DCC: variants seen among roughly 807,000 people sequenced by gnomAD.
DCC encodes the protein netrin receptor DCC.
A neutral mutation model predicts 172.5 loss-of-function variants in DCC; 58 were observed. That is an observed-to-expected ratio of 0.34 (90% CI 0.27 to 0.42). The LOEUF is 0.42. DCC is among the 10% of genes least tolerant of loss of function. DCC has a pLI of 1.00. For synonymous variants in DCC, 709 were observed against 644.5 expected, an observed-to-expected ratio of 1.10 and a Z score of -1.52; for missense variants, 1,740 against 1,791.0, an observed-to-expected ratio of 0.97 and a Z score of 0.51.
chr18:53,063,352 A>G lies in DCC; in HGVS notation c.1033A>G (p.Ser345Gly), dbSNP rs755111672. 1 of 1,613,548 alleles carries G rather than the reference A, an allele frequency of 6.2e-7. No homozygotes were observed. Among genetic ancestry groups the G allele is most frequent in the Non-Finnish European group, 8.5e-7 (1 of 1,179,636 alleles). The stretch of plus-strand genomic sequence containing the variant: ...TCCTTCCAACCTGTATGCCTATGAA[A>G]GCATGGATATTGAGTTTGAATGTAC... ...NHPSNLYAYE[S>G]MDIEFECTVS... The change falls in exon 6 of 29, where the codon AGC (serine) becomes GGC (glycine). Residue 345 changes from serine to glycine, a missense_variant. Ser to Gly is a moderately conservative substitution (Grantham distance 56, BLOSUM62 0). This residue lies in a region of DCC where 1,732 missense variants were observed against 1,767.4 expected (regional missense o/e 0.98). Coordinates refer to ENST00000442544, the MANE Select transcript of DCC (RefSeq NM_005215.4).
At chr18:53,006,964 A>G (rs1599021905) in intron 5 of DCC, among the ~76,000 whole-genome samples, 1 of 152,196 alleles carries the variant, frequency 6.6e-6, no homozygotes, top group African/African-American at 2.4e-5. Flanking sequence ...ACCATCAGAA[A>G]TGGTATATTC....
At chr18:52,827,222 T>C (rs2038526044) in intron 2 of DCC, among the ~76,000 whole-genome samples, 1 of 152,200 alleles carries the variant, frequency 6.6e-6, no homozygotes, top group African/African-American at 2.4e-5. Flanking sequence ...TGAACTCAAA[T>C]AGTCTTTTAG....
intron 15 of DCC, among the ~76,000 whole-genome samples, chr18:53,340,820 G>C (rs576326449): frequency 6.6e-6 from 1 of 152,126 alleles, no homozygotes; most frequent in Non-Finnish European, 1.5e-5. Context: ...CAGCTTGATT[G>C]GGCAGGCAGG....
At chr18:52,545,971 A>T (rs2032601977) in intron 1 of DCC, among the ~76,000 whole-genome samples, 1 of 152,194 alleles carries the variant, frequency 6.6e-6, no homozygotes, top group East Asian at 1.9e-4. Context: ...AATATGTACC[A>T]CCAATGCCCG....
chr18:53,455,241 A>G (rs915113264), intron 23 of DCC, among the ~76,000 whole-genome samples: 1 of 152,090 alleles, frequency 6.6e-6, no homozygotes. Context: ...TTAGTACAGC[A>G]CTCTTTATTT....
chr18:52,676,618 A>G (rs2035650899), intron 1 of DCC, among the ~76,000 whole-genome samples: 1 of 152,196 alleles, frequency 6.6e-6, no homozygotes, highest in Non-Finnish European at 1.5e-5. Context: ...TAACTTAGAA[A>G]TCAGTCTTCC....
chr18:52,536,725 T>G (rs1246149884), intron 1 of DCC, among the ~76,000 whole-genome samples: 9 of 152,200 alleles, frequency 5.9e-5, no homozygotes, highest in Non-Finnish European at 7.3e-5. Flanking sequence ...TGTCGCCCTT[T>G]TCTTCAAGCT....
At chr18:52,794,595 GTTCT>G (rs1386435221) in intron 2 of DCC, among the ~76,000 whole-genome samples, 8 of 151,950 alleles carry the variant, frequency 5.3e-5, no homozygotes, top group Non-Finnish European at 8.8e-5. Flanking sequence ...AGGGATGATT[GTTCT>G]TTCTTTTTCC....
intron 15 of DCC, among the ~76,000 whole-genome samples, chr18:53,384,771 G>A (rs1167398273): frequency 6.6e-6 from 1 of 151,256 alleles, no homozygotes. Context: ...TCCATTTTCT[G>A]TACTTTTCTA....
rs370802698 is a variant in DCC at position 53,493,234 on chromosome 18, T to C, written c.3899-6064T>C. On this transcript the variant is annotated intron_variant, in intron 26 of 28. Transcript: ENST00000442544. Reference sequence around the variant, plus strand: ...TTAAGGAGATTTAGGGCTGAGATGATGGGGTTTTCTAAATATACAATCATG... The same window carrying C: ...TTAAGGAGATTTAGGGCTGAGATGACGGGGTTTTCTAAATATACAATCATG... Among the ~76,000 whole-genome samples, 162 of 152,318 alleles carry C rather than the reference T, an allele frequency of 1.1e-3. 1 individual carries two copies. The highest frequency in any genetic ancestry group is 3.9e-3 in the African/African-American group (161 of 41,568).
At chr18:52,371,426 A>C (rs1326081483) in intron 1 of DCC, among the ~76,000 whole-genome samples, 1 of 152,238 alleles carries the variant, frequency 6.6e-6, no homozygotes, top group Non-Finnish European at 1.5e-5. Flanking sequence ...TGTTTAAGTA[A>C]GGAAAAACCC....
At chr18:52,793,724 C>T (rs1016229609) in intron 2 of DCC, among the ~76,000 whole-genome samples, 5 of 152,108 alleles carry the variant, frequency 3.3e-5, no homozygotes, top group Admixed American at 1.3e-4. Context: ...AGACCAATTT[C>T]CTGAAGCATT....
At chr18:52,361,301 T>A (rs1371426342) in intron 1 of DCC, among the ~76,000 whole-genome samples, 2 of 152,244 alleles carry the variant, frequency 1.3e-5, no homozygotes, top group Non-Finnish European at 2.9e-5. Context: ...TTTTTGTCTC[T>A]TTCTCTACCT....
At chr18:53,245,036 C>T (rs2056349127) in intron 12 of DCC, among the ~76,000 whole-genome samples, 1 of 152,100 alleles carries the variant, frequency 6.6e-6, no homozygotes, top group Non-Finnish European at 1.5e-5. Context: ...TCACTTCTGT[C>T]TGAACCTCAG....
chr18:53,329,622 A>G (rs1366331981), intron 14 of DCC, among the ~76,000 whole-genome samples: 2 of 152,156 alleles, frequency 1.3e-5, no homozygotes, highest in East Asian at 1.9e-4. Context: ...ATAGCAAGTT[A>G]CATATGTTCC....
chr18:52,706,716 A>G (rs529441819), intron 1 of DCC, among the ~76,000 whole-genome samples: 1 of 152,316 alleles, frequency 6.6e-6, no homozygotes, highest in Admixed American at 6.5e-5. Flanking sequence ...GCATGGTACC[A>G]GGTGCTATGC....
rs56285631 is a variant in DCC, at chr18:53,483,958, CATAGATAGATAGATAG to C, written c.3737-2799_3737-2784del. 1.0e-2 allele frequency among the ~76,000 whole-genome samples: 1,443 copies of C among 144,662 alleles called. 9 individuals are homozygous for C. Among genetic ancestry groups the C allele is most frequent in the Non-Finnish European group, 0.012 (804 of 65,928 alleles). 94.9% of individuals were successfully genotyped at this position (144,662 alleles called of 152,430 possible). A position where few individuals can be genotyped will look rare whatever the true frequency, so the allele number is the denominator to read the frequency against. ...ACTGTGAAACCTTTGCCTATGTTTG[CATAGATAGATAGATAG>C]ATAGATAGATAGATAGATAGATAGA... On this transcript the variant is annotated intron_variant, in intron 25 of 28. Transcript: ENST00000442544.
chr18:52,682,728 C>CG, intron 1 of DCC, among the ~76,000 whole-genome samples: 1 of 117,174 alleles, frequency 8.5e-6, no homozygotes, highest in Admixed American at 8.7e-5. Flanking sequence ...GTGAAGAAAA[C>CG]AAAACAGACA....
At chr18:52,882,476 T>C (rs34053365) in intron 2 of DCC, among the ~76,000 whole-genome samples, 59,854 of 151,802 alleles carry the variant, frequency 0.39, 12,386 homozygotes, top group Non-Finnish European at 0.47. Flanking sequence ...CGTTTTGGAA[T>C]GTTGTGTTTC....
Sources: gnomAD v4.1 joint callset for allele counts (sites outside exome capture counted in the v4.1 genomes callset) on GRCh38, gnomAD v4.1.1 for gene constraint, gnomAD v4.1.1 regional missense constraint, MANE v1.5 for transcripts, NCBI Gene and HGNC (gene_info 2026-07-23, HGNC 2026-07-21) for gene names.